ROBO2: variants seen among roughly 807,000 people sequenced by gnomAD.
ROBO2 encodes the protein roundabout homolog 2.
Under a neutral mutation model 160.8 loss-of-function variants are expected in ROBO2, and 53 were observed. The ratio of observed to expected loss-of-function variants is 0.33; its 90% CI spans 0.26 to 0.41. ROBO2 has a LOEUF of 0.41. Among genes scored for constraint, ROBO2 ranks in the 10% least tolerant of loss-of-function variants. The pLI is 1.00. For synonymous variants in ROBO2, 664 were observed against 611.7 expected (o/e 1.09, Z -1.26); for missense variants, 1,577 against 1,722.4 (o/e 0.92, Z 1.49).
chr3:77,459,520 T>C (rs1469785687), intron 2 of ROBO2, among the ~76,000 whole-genome samples: 1 of 152,204 alleles, frequency 6.6e-6, no homozygotes, highest in Admixed American at 6.5e-5. Flanking sequence ...TTTGTGGAGC[T>C]AGCTTACATT....
At chr3:76,820,541 C>G (rs899024069) in intron 2 of ROBO2, among the ~76,000 whole-genome samples, 2 of 151,934 alleles carry the variant, frequency 1.3e-5, no homozygotes, top group African/African-American at 4.8e-5. Flanking sequence ...TGTTGTATTT[C>G]AGTTTTCCTT....
At chr3:76,328,661 C>A (rs1040895179) in intron 2 of ROBO2, among the ~76,000 whole-genome samples, 2 of 151,796 alleles carry the variant, frequency 1.3e-5, no homozygotes, top group African/African-American at 4.8e-5. Flanking sequence ...GGGATCGAGA[C>A]CATCCTGGCT....
intron 2 of ROBO2, among the ~76,000 whole-genome samples, chr3:76,197,112 G>T: frequency 6.6e-6 from 1 of 151,776 alleles, no homozygotes; most frequent in African/African-American, 2.4e-5. Flanking sequence ...AATCCACTGA[G>T]CTAATCAGTC....
intron 2 of ROBO2, among the ~76,000 whole-genome samples, chr3:76,855,800 A>G (rs1429819477): frequency 6.6e-6 from 1 of 152,184 alleles, no homozygotes; most frequent in Admixed American, 6.5e-5. Flanking sequence ...ACATTATACC[A>G]CTGCTTAAGT....
intron 2 of ROBO2, among the ~76,000 whole-genome samples, chr3:76,144,489 T>C (rs183597397): frequency 1.3e-5 from 2 of 152,142 alleles, no homozygotes; most frequent in East Asian, 3.9e-4. Flanking sequence ...ATTAGTTATA[T>C]AAAAAGAAAC....
At chr3:77,065,203 A>C (rs1230522539) in intron 1 of ROBO2, among the ~76,000 whole-genome samples, 1 of 152,180 alleles carries the variant, frequency 6.6e-6, no homozygotes, top group East Asian at 1.9e-4. Context: ...TTGTCTCATT[A>C]ATTCTCAGAA....
At position 76,283,136 on chromosome 3, in the gene ROBO2, G is replaced by GTATATATATA. The variant is rs547807116; in HGVS notation, c.109+345541_109+345550dup. Among the ~76,000 whole-genome samples the GTATATATATA allele has an allele frequency of 3.7e-3, 233 of 63,536 alleles. 26 individuals carry two copies. The highest frequency in any genetic ancestry group is 0.014 in the South Asian group (19 of 1,380). 41.7% of individuals were successfully genotyped at this position (63,536 alleles called of 152,430 possible). On this transcript the variant is annotated intron_variant, in intron 2 of 26. Transcript: ENST00000487694. ...GTTATATATGTATATATATAAAACTGTATATATATATATATAAAACTACAT... is the reference window on the plus strand; with the variant it reads ...GTTATATATGTATATATATAAAACTGTATATATATATATATATATATATATAAAACTACAT...
intron 2 of ROBO2, among the ~76,000 whole-genome samples, chr3:77,200,257 CTAACA>C (rs1560217832): frequency 2.6e-5 from 2 of 76,126 alleles, no homozygotes; most frequent in East Asian, 7.3e-4. Context: ...TATATCCTAA[CTAACA>C]TATTTTATAT....
intron 2 of ROBO2, among the ~76,000 whole-genome samples, chr3:77,370,718 T>C (rs1200023501): frequency 6.6e-6 from 1 of 151,910 alleles, no homozygotes; most frequent in East Asian, 2.0e-4. Context: ...AAGAATAATA[T>C]TGTAGGACAC....
At chr3:76,333,603 C>T (rs1374885239) in intron 2 of ROBO2, among the ~76,000 whole-genome samples, 1 of 152,270 alleles carries the variant, frequency 6.6e-6, no homozygotes, top group Admixed American at 6.5e-5. Context: ...AAGCATTCAA[C>T]CAGAATGGCA....
At chr3:76,378,406 T>C (rs755696275) in intron 2 of ROBO2, among the ~76,000 whole-genome samples, 1 of 152,180 alleles carries the variant, frequency 6.6e-6, no homozygotes, top group Non-Finnish European at 1.5e-5. Flanking sequence ...ACAAAATGTA[T>C]AGTGTCACCA....
intron 2 of ROBO2, among the ~76,000 whole-genome samples, chr3:77,098,859 A>C (rs112806845): frequency 0.28 from 38,552 of 136,078 alleles, 5,788 homozygotes; most frequent in East Asian, 0.55. Flanking sequence ...CCGTCTCAAA[A>C]AAACAAACAA....
At chr3:75,990,559 A>G (rs1014922197) in intron 2 of ROBO2, among the ~76,000 whole-genome samples, 1 of 152,204 alleles carries the variant, frequency 6.6e-6, no homozygotes, top group Admixed American at 6.5e-5. Flanking sequence ...TTTTTCTAAT[A>G]AATTACTGAA....
chr3:76,609,165 A>T (rs1356055465), intron 2 of ROBO2, among the ~76,000 whole-genome samples: 1 of 152,040 alleles, frequency 6.6e-6, no homozygotes, highest in African/African-American at 2.4e-5. Flanking sequence ...AAATGAGTTC[A>T]CTGTAGGTGT....
At chr3:77,429,226 A>G (rs1056625294) in intron 2 of ROBO2, among the ~76,000 whole-genome samples, 18 of 152,146 alleles carry the variant, frequency 1.2e-4, no homozygotes, top group African/African-American at 4.3e-4. Flanking sequence ...CAATCTCTGC[A>G]TTACATTTTA....
intron 2 of ROBO2, among the ~76,000 whole-genome samples, chr3:77,002,895 A>C (rs2061400966): frequency 6.6e-6 from 1 of 152,186 alleles, no homozygotes; most frequent in East Asian, 1.9e-4. Flanking sequence ...ACATTCATGT[A>C]TAATGACAAC....
intron 2 of ROBO2, among the ~76,000 whole-genome samples, chr3:76,009,050 A>G (rs529506209): frequency 2.0e-5 from 3 of 152,270 alleles, no homozygotes; most frequent in African/African-American, 7.2e-5. Flanking sequence ...TTCTCTCCAG[A>G]TATGAGGCAC....
At chr3:77,440,588 G>A (rs1298990488) in intron 2 of ROBO2, among the ~76,000 whole-genome samples, 3 of 152,078 alleles carry the variant, frequency 2.0e-5, no homozygotes, top group Non-Finnish European at 1.5e-5. Context: ...GAAATAATAT[G>A]AAGAATAAAA....
chr3:75,966,732 A>G (rs1949130150), intron 2 of ROBO2, among the ~76,000 whole-genome samples: 7 of 151,798 alleles, frequency 4.6e-5, no homozygotes, highest in African/African-American at 1.7e-4. Flanking sequence ...ATTAGTGCCT[A>G]TATTCTGATC....
Sources: gnomAD v4.1 joint callset for allele counts (sites outside exome capture counted in the v4.1 genomes callset) on GRCh38, gnomAD v4.1.1 for gene constraint, MANE v1.5 for transcripts, NCBI Gene and HGNC (gene_info 2026-07-23, HGNC 2026-07-21) for gene names.